GK5: variants seen among roughly 807,000 people sequenced by gnomAD.
GK5 encodes glycerol kinase 5.
GK5 carries 39 observed loss-of-function variants against 77.3 expected under a neutral mutation model. The observed-to-expected ratio is 0.50, with a 90% CI of 0.39 to 0.66. GK5 has a LOEUF of 0.66. GK5 is among the 30% of genes least tolerant of loss of function. The pLI is 0.00. For missense variants in GK5, 487 were observed against 633.8 expected, an observed-to-expected ratio of 0.77 and a Z score of 2.49; for synonymous variants, 211 against 208.0, an observed-to-expected ratio of 1.01 and a Z score of -0.13.
intron 4 of GK5, 186 bp downstream of exon 4, chr3:142,204,509 G>A (rs755839806): frequency 1.1e-5 from 7 of 648,974 alleles, no homozygotes; most frequent in Non-Finnish European, 1.7e-5. Flanking sequence ...AACTTCCTGA[G>A]GTACAAGTAC....
Position 142,204,680 on chromosome 3 carries a change from CAAGA to C in GK5, c.411+11_411+14del, listed in dbSNP as rs958965656. 13 of 1,332,080 alleles carry C rather than the reference CAAGA, an allele frequency of 9.8e-6. No individual in the cohort carries two copies. In the African/African-American group the frequency reaches 1.3e-4, roughly 13 times the overall value. The allele number at this position is 1,332,080 out of a possible 1,614,324, so 82.5% of individuals were successfully genotyped here. The stretch of plus-strand genomic sequence containing the variant: ...AAAAACCAACAATATCCAAATCACA[CAAGA>C]AAAAGATTACCTTCATAAGAAGAGA... On this transcript the variant is annotated intron_variant, in intron 4 of 15. Transcript: ENST00000392993.
At chr3:142,222,662 C>T (rs892156734) in intron 1 of GK5, among the ~76,000 whole-genome samples, 4 of 151,996 alleles carry the variant, frequency 2.6e-5, no homozygotes, top group Non-Finnish European at 5.9e-5. Flanking sequence ...AATCCCAGAG[C>T]TTTAGGAAGC....
chr3:142,217,424 T>A (rs895769148), intron 1 of GK5, among the ~76,000 whole-genome samples: 2 of 151,756 alleles, frequency 1.3e-5, no homozygotes, highest in Admixed American at 6.6e-5. Flanking sequence ...AGAAGGGAGA[T>A]AGAAGAAAAT....
At position 142,165,726 on chromosome 3, in the gene GK5, CACTTT is replaced by C; in HGVS notation, c.1481_1485del (p.Gln494ArgfsTer14). The C allele has an allele frequency of 6.2e-7, 1 of 1,612,640 alleles. No homozygotes were observed. Among genetic ancestry groups the C allele is most frequent in the Non-Finnish European group, 8.5e-7 (1 of 1,179,132 alleles). On this transcript the variant is annotated frameshift_variant, in exon 16 of 16. Transcript: ENST00000392993. LOFTEE classifies it high-confidence loss of function. Reference sequence around the variant, plus strand: ...TTCTTCTGTGGCTTGAAAACCACTTCACTTTGTCTCAGTTTCTTTAGTTCCTCCTT... The same window carrying C: ...TTCTTCTGTGGCTTGAAAACCACTTCGTCTCAGTTTCTTTAGTTCCTCCTT...
chr3:142,167,926 C>T (rs143319532), intron 15 of GK5, among the ~76,000 whole-genome samples: 12,270 of 152,212 alleles, frequency 0.081, 632 homozygotes, highest in Non-Finnish European at 0.12. Context: ...GCAGGTGAAT[C>T]GCTTGAACCT....
chr3:142,195,098 C>T (rs1468167708), intron 5 of GK5, among the ~76,000 whole-genome samples: 2 of 151,718 alleles, frequency 1.3e-5, no homozygotes, highest in Admixed American at 1.3e-4. Context: ...TTGTCAAATG[C>T]TTTTTTCTAT....
chr3:142,199,078 A>G (rs946636036), intron 4 of GK5, 145 bp from the exon 5 acceptor site: 7 of 549,620 alleles, frequency 1.3e-5, no homozygotes, highest in Non-Finnish European at 2.1e-5. Flanking sequence ...AAAATAAAAA[A>G]CAGCAATATT....
At chr3:142,212,387 T>A (rs2064198843) in intron 3 of GK5, among the ~76,000 whole-genome samples, 1 of 151,770 alleles carries the variant, frequency 6.6e-6, no homozygotes, top group African/African-American at 2.4e-5. Context: ...TACAAAAAAA[T>A]TAGCCAGGCA....
In GK5 at chr3:142,172,852, C is replaced by G. The variant is rs369803702; in HGVS notation, c.1144-396G>C. Among the ~76,000 whole-genome samples the G allele has an allele frequency of 7.2e-5, 11 of 152,222 alleles. No homozygotes were observed. In the East Asian group the frequency reaches 1.7e-3, roughly 24 times the overall value. Reference sequence around the variant, plus strand: ...ACTTTTTACTATGTAGAATAGCTTTCTACAAAAATGTACTTTTTAGTGTCA... The same window carrying G: ...ACTTTTTACTATGTAGAATAGCTTTGTACAAAAATGTACTTTTTAGTGTCA... On this transcript the variant is annotated intron_variant, in intron 12 of 15. Transcript: ENST00000392993.
chr3:142,221,821 C>A (rs1008551614), intron 1 of GK5, among the ~76,000 whole-genome samples: 1 of 151,826 alleles, frequency 6.6e-6, no homozygotes, highest in African/African-American at 2.4e-5. Context: ...TTTAAAAATA[C>A]AAATTACAGA....
chr3:142,188,254 A>G (rs1007408865), intron 5 of GK5, among the ~76,000 whole-genome samples: 1 of 151,898 alleles, frequency 6.6e-6, no homozygotes, highest in South Asian at 2.1e-4. Flanking sequence ...AAAAATGGCC[A>G]GGCACGGTGG....
intron 5 of GK5, 62 bp downstream of exon 5, chr3:142,198,739 CA>C: frequency 7.3e-7 from 1 of 1,375,298 alleles, no homozygotes; most frequent in Non-Finnish European, 9.8e-7. Context: ...TTTTCTTCCC[CA>C]TAGTCTTTAT....
chr3:142,204,669 T>A, intron 4 of GK5, 26 bp downstream of exon 4: 1 of 1,222,310 alleles, frequency 8.2e-7, no homozygotes, highest in Non-Finnish European at 1.2e-6. Flanking sequence ...ACCAACAATA[T>A]CCAAATCACA....
chr3:142,210,973 C>T (rs1184644262), intron 3 of GK5, among the ~76,000 whole-genome samples: 4 of 151,378 alleles, frequency 2.6e-5, no homozygotes, highest in Admixed American at 6.6e-5. Flanking sequence ...GTTGGTCCTG[C>T]TTTGCTGGCT....
chr3:142,165,805 CA>C, intron 15 of GK5, 35 bp from the exon 16 acceptor site: 1 of 1,481,310 alleles, frequency 6.8e-7, no homozygotes. Context: ...AATTTTAAGG[CA>C]AATCATGAGT....
rs1381493680 is a variant in GK5 at position 142,225,584 on chromosome 3, C to T, written c.-129G>A. 3.4e-6 allele frequency: 4 copies of T among 1,166,160 alleles called. No homozygotes were observed. In the Admixed American group the frequency reaches 1.2e-4, roughly 34 times the overall value. The allele number at this position is 1,166,160 out of a possible 1,614,324, so 72.2% of individuals were successfully genotyped here. On this transcript the variant is annotated 5_prime_UTR_variant, in exon 1 of 16. Transcript: ENST00000392993. ...GCTCAGCCGGAGAGCCTAGAGAGGC[C>T]TGGCCCCTGCCGCCGGCTCCACCCC... is the stretch of plus-strand genomic sequence containing the variant.
chr3:142,173,929 C>G (rs1390926735), intron 12 of GK5, among the ~76,000 whole-genome samples: 1 of 152,174 alleles, frequency 6.6e-6, no homozygotes, highest in Non-Finnish European at 1.5e-5. Flanking sequence ...ACCACCCTTT[C>G]TCCTAATTAA....
intron 5 of GK5, among the ~76,000 whole-genome samples, chr3:142,195,487 G>A (rs1360820840): frequency 6.6e-6 from 1 of 152,138 alleles, no homozygotes; most frequent in Non-Finnish European, 1.5e-5. Context: ...GGGACTACAG[G>A]TGTGTACTAC....
At chr3:142,212,824 A>G (rs188750237) in intron 3 of GK5, among the ~76,000 whole-genome samples, 19 of 129,942 alleles carry the variant, frequency 1.5e-4, no homozygotes, top group African/African-American at 5.7e-4. Flanking sequence ...ATAGACAAAT[A>G]TTTTCTTTTT....
Sources: allele counts gnomAD v4.1 joint callset (sites outside exome capture counted in the v4.1 genomes callset), GRCh38; gene constraint gnomAD v4.1.1; transcripts MANE v1.5; gene names NCBI Gene and HGNC (gene_info 2026-07-23, HGNC 2026-07-21).